Variants in RPS6KA5 observed in about 807,000 individuals in gnomAD.
RPS6KA5 encodes ribosomal protein S6 kinase A5.
A neutral mutation model predicts 85.5 loss-of-function variants in RPS6KA5; 27 were observed. The observed-to-expected ratio is 0.32, with a 90% CI of 0.23 to 0.44. RPS6KA5 has a LOEUF of 0.44. Among genes scored for constraint, RPS6KA5 ranks in the 20% least tolerant of loss-of-function variants. RPS6KA5 has a pLI of 1.00. For synonymous variants in RPS6KA5, 334 were observed against 348.2 expected (o/e 0.96, Z 0.46); for missense variants, 811 against 980.9 (o/e 0.83, Z 2.31).
At chr14:90,928,564 G>A (rs1368359830) in intron 5 of RPS6KA5, among the ~76,000 whole-genome samples, 1 of 151,656 alleles carries the variant, frequency 6.6e-6, no homozygotes, top group Non-Finnish European at 1.5e-5. Context: ...TATAGTTACA[G>A]AGATTTTTAA....
Position 90,864,157 on chromosome 14 carries a change from T to G in RPS6KA5, c.*7917A>C, listed in dbSNP as rs2032700323. On this transcript the variant is annotated 3_prime_UTR_variant, in exon 17 of 17. Coordinates refer to ENST00000614987, the MANE Select transcript of RPS6KA5 (RefSeq NM_004755.4). ...CAATAAAGCTTTTAGTTTTATTTTT[T>G]GAGACAGAGTCTCGCTCTGTTGCCT... 1 of 152,266 alleles carries G rather than the reference T, an allele frequency of 6.6e-6. No individual in the cohort carries two copies. Among genetic ancestry groups the G allele is most frequent in the South Asian group, 2.1e-4 (1 of 4,836 alleles). The allele number at this position is 152,266 out of a possible 1,614,324, so 9.4% of individuals were successfully genotyped here.
At chr14:90,913,332 A>G (rs2035934806) in intron 7 of RPS6KA5, among the ~76,000 whole-genome samples, 1 of 152,132 alleles carries the variant, frequency 6.6e-6, no homozygotes, top group Non-Finnish European at 1.5e-5. Context: ...TGAAGGAAAA[A>G]ACTTGTTTCT....
At chr14:90,959,284 T>C (rs987110268) in intron 3 of RPS6KA5, among the ~76,000 whole-genome samples, 1 of 152,208 alleles carries the variant, frequency 6.6e-6, no homozygotes, top group African/African-American at 2.4e-5. Context: ...CTGGCCATCA[T>C]CTTTTACTGT....
intron 1 of RPS6KA5, 169 bp downstream of exon 1, chr14:91,060,163 C>G: frequency 1.0e-6 from 1 of 980,162 alleles, no homozygotes; most frequent in Non-Finnish European, 1.2e-6. Flanking sequence ...GGCGCGCCCC[C>G]ACCTCCCGGG....
At chr14:90,886,189 G>C (rs1006625415) in intron 14 of RPS6KA5, among the ~76,000 whole-genome samples, 1 of 151,800 alleles carries the variant, frequency 6.6e-6, no homozygotes, top group African/African-American at 2.4e-5. Flanking sequence ...GAAAGAAAAA[G>C]GAAATGCAGC....
chr14:90,868,698 C>T lies in RPS6KA5; in HGVS notation c.*3376G>A, dbSNP rs763458662. 1.3e-4 allele frequency: 20 copies of T among 151,964 alleles called. No individual in the cohort carries two copies. Among genetic ancestry groups the T allele is most frequent in the East Asian group, 3.9e-4 (2 of 5,190 alleles). The allele number at this position is 151,964 out of a possible 1,614,324, so 9.4% of individuals were successfully genotyped here. A position where few individuals can be genotyped will look rare whatever the true frequency, so the allele number is the denominator to read the frequency against. ...TTTTAATAAATATGACAATAACAGGCGCTTGAAATGGGGGCAAGGTGAATA... is the reference window on the plus strand; with the variant it reads ...TTTTAATAAATATGACAATAACAGGTGCTTGAAATGGGGGCAAGGTGAATA... On this transcript the variant is annotated 3_prime_UTR_variant, in exon 17 of 17. Transcript: ENST00000614987.
chr14:90,901,501 A>G (rs775942019), intron 9 of RPS6KA5, among the ~76,000 whole-genome samples: 2 of 152,256 alleles, frequency 1.3e-5, no homozygotes, highest in African/African-American at 2.4e-5. Context: ...TAAATTTAAA[A>G]TTGAGTTTTG....
intron 1 of RPS6KA5, among the ~76,000 whole-genome samples, chr14:91,054,466 G>T (rs926198355): frequency 6.6e-6 from 1 of 150,928 alleles, no homozygotes. Context: ...GTGAAACCTC[G>T]TCTCTATTGA....
In RPS6KA5 at chr14:90,860,512, T is replaced by A. The variant is rs1296839789; in HGVS notation, c.*11562A>T. On this transcript the variant is annotated 3_prime_UTR_variant, in exon 17 of 17. Coordinates refer to ENST00000614987, the MANE Select transcript of RPS6KA5 (RefSeq NM_004755.4). ...TTGTGCCACTGCACTCCAGCCTGGG[T>A]GACAGAGTGAGACTTGGTCTCAAAA... 2 of 152,030 alleles carry A rather than the reference T, an allele frequency of 1.3e-5. No individual in the cohort carries two copies. The highest frequency in any genetic ancestry group is 2.9e-5 in the Non-Finnish European group (2 of 68,020). The allele number at this position is 152,030 out of a possible 1,614,324, so 9.4% of individuals were successfully genotyped here.
intron 7 of RPS6KA5, among the ~76,000 whole-genome samples, chr14:90,906,840 C>G (rs1361835447): frequency 6.6e-6 from 1 of 151,874 alleles, no homozygotes; most frequent in Non-Finnish European, 1.5e-5. Context: ...ATGGTTCAAC[C>G]CTTGATATCT....
In RPS6KA5 at chr14:91,021,514, G is replaced by A. The variant is rs111650345; in HGVS notation, c.104-20355C>T. ...AAATAAGCCAGGCATGGTGGTTCTC[G>A]CGATTCTCCTGCCTCAGCCTCCTGA... On this transcript the variant is annotated intron_variant, in intron 1 of 16. Coordinates refer to ENST00000614987, the MANE Select transcript of RPS6KA5 (RefSeq NM_004755.4). Among the ~76,000 whole-genome samples the A allele has an allele frequency of 3.1e-3, 468 of 152,210 alleles. 6 individuals are homozygous for A. The highest frequency in any genetic ancestry group is 5.6e-3 in the Non-Finnish European group (382 of 68,016).
chr14:90,871,954 C>A lies in RPS6KA5; in HGVS notation c.*120G>T. The A allele has an allele frequency of 9.0e-6, 12 of 1,330,802 alleles. No homozygotes were observed. The highest frequency in any genetic ancestry group is 1.2e-5 in the Non-Finnish European group (12 of 972,352). 82.4% of individuals were successfully genotyped at this position (1,330,802 alleles called of 1,614,324 possible). A position where few individuals can be genotyped will look rare whatever the true frequency, so the allele number is the denominator to read the frequency against. ...CCAAACAGGTTTTCCTGAAAAAAATCATTAGGAGGCAGATTCCAATGAGAC... is the reference window on the plus strand; with the variant it reads ...CCAAACAGGTTTTCCTGAAAAAAATAATTAGGAGGCAGATTCCAATGAGAC... On this transcript the variant is annotated 3_prime_UTR_variant, in exon 17 of 17. Coordinates refer to ENST00000614987, the MANE Select transcript of RPS6KA5 (RefSeq NM_004755.4).
intron 8 of RPS6KA5, among the ~76,000 whole-genome samples, chr14:90,903,182 C>A (rs919007028): frequency 6.6e-6 from 1 of 152,130 alleles, no homozygotes; most frequent in Non-Finnish European, 1.5e-5. Context: ...ATGAGACTAT[C>A]GCTGTTGAAT....
chr14:91,060,240 C>A (rs987636590), intron 1 of RPS6KA5, 92 bp downstream of exon 1: 41 of 966,246 alleles, frequency 4.2e-5, no homozygotes, highest in Non-Finnish European at 4.4e-5. Context: ...CCCACGGCTG[C>A]GGCCCCGCGC....
At chr14:90,991,016 C>G (rs533819975) in intron 2 of RPS6KA5, among the ~76,000 whole-genome samples, 167 of 151,990 alleles carry the variant, frequency 1.1e-3, no homozygotes, top group Non-Finnish European at 1.9e-3. Flanking sequence ...ACATGTACCC[C>G]CAAACCTAAA....
intron 3 of RPS6KA5, among the ~76,000 whole-genome samples, chr14:90,969,996 G>A (rs1445873829): frequency 6.6e-6 from 1 of 151,424 alleles, no homozygotes; most frequent in Non-Finnish European, 1.5e-5. Context: ...TTTCTCCTCT[G>A]GACCACCCAA....
chr14:91,020,614 T>TTTTGTGTG (rs761685247), intron 1 of RPS6KA5, among the ~76,000 whole-genome samples: 2 of 91,272 alleles, frequency 2.2e-5, no homozygotes, highest in Non-Finnish European at 4.5e-5. Context: ...ATATATCCTA[T>TTTTGTGTG]TGTGTGTGTG....
rs555348355 is a variant in RPS6KA5 at position 91,060,377 on chromosome 14, C to T, written c.58G>A (p.Asp20Asn). The T allele has an allele frequency of 4.6e-6, 7 of 1,507,704 alleles. No homozygotes were observed. The South Asian group carries it at 8.9e-5, about 19-fold the overall frequency. 93.4% of individuals were successfully genotyped at this position (1,507,704 alleles called of 1,614,324 possible). The change falls in exon 1 of 17, where the codon GAC becomes AAC. Residue 20 changes from aspartate (D) to asparagine (N), a missense_variant. By Grantham distance (23) the Asp-to-Asn change is conservative. Coordinates refer to ENST00000614987, the MANE Select transcript of RPS6KA5 (RefSeq NM_004755.4). ...GAAGTSADGG[D>N]GGEQLLTVKH... ...ACAGTGAGGAGCTGCTCTCCTCCGT[C>T]GCCGCCGTCCGCGCTGGTCCCCGCG...
chr14:90,933,924 T>C (rs1225186027), intron 5 of RPS6KA5, among the ~76,000 whole-genome samples: 2 of 152,204 alleles, frequency 1.3e-5, no homozygotes, highest in African/African-American at 4.8e-5. Flanking sequence ...ATCTCCTTCC[T>C]GAGATATCTA....
Sources: allele counts gnomAD v4.1 joint callset (sites outside exome capture counted in the v4.1 genomes callset), GRCh38; gene constraint gnomAD v4.1.1; transcripts MANE v1.5; gene names NCBI Gene and HGNC (gene_info 2026-07-23, HGNC 2026-07-21).